Variants in PDSS2 observed in about 807,000 individuals in gnomAD.
PDSS2 encodes the protein all trans-polyprenyl-diphosphate synthase PDSS2.
Under a neutral mutation model 44.5 loss-of-function variants are expected in PDSS2, and 31 were observed. That is an observed-to-expected ratio of 0.70 (90% CI 0.52 to 0.94). The LOEUF is 0.94. Ranked by LOEUF, PDSS2 falls within the 40% of genes least tolerant of loss-of-function variation. PDSS2 has a pLI of 0.00. For missense variants in PDSS2, 452 were observed against 482.2 expected (o/e 0.94, Z 0.59); for synonymous variants, 157 against 180.3 (o/e 0.87, Z 1.03).
intron 3 of PDSS2, among the ~76,000 whole-genome samples, chr6:107,252,644 T>G (rs1303625538): frequency 6.6e-6 from 1 of 152,216 alleles, no homozygotes; most frequent in South Asian, 2.1e-4. Context: ...AAATTGCAAC[T>G]GAGGCTAGAT....
At chr6:107,252,798 C>A (rs967668991) in intron 3 of PDSS2, among the ~76,000 whole-genome samples, 1 of 152,050 alleles carries the variant, frequency 6.6e-6, no homozygotes, top group Non-Finnish European at 1.5e-5. Flanking sequence ...TTTTTAAAAT[C>A]GCAACTGATA....
At chr6:107,197,480 C>CAAAAAA (rs1211356401) in intron 6 of PDSS2, among the ~76,000 whole-genome samples, 3 of 82,398 alleles carry the variant, frequency 3.6e-5, no homozygotes, top group Non-Finnish European at 7.3e-5. Context: ...ACCCCCATCT[C>CAAAAAA]AAAAAAAAAA....
At chr6:107,343,281 GATAC>G (rs1778137134) in intron 1 of PDSS2, among the ~76,000 whole-genome samples, 1 of 151,836 alleles carries the variant, frequency 6.6e-6, no homozygotes, top group Non-Finnish European at 1.5e-5. Context: ...TTTTCATTTA[GATAC>G]AGACAACTGA....
At chr6:107,412,767 T>A (rs1413462294) in intron 1 of PDSS2, among the ~76,000 whole-genome samples, 2 of 152,352 alleles carry the variant, frequency 1.3e-5, no homozygotes, top group East Asian at 3.9e-4. Context: ...ATTCTAAGGT[T>A]ATAATTAAAT....
At chr6:107,273,272 C>T (rs1775665800) in intron 3 of PDSS2, among the ~76,000 whole-genome samples, 1 of 152,028 alleles carries the variant, frequency 6.6e-6, no homozygotes. Context: ...GAGTGAGCCA[C>T]CACACCTGGC....
intron 1 of PDSS2, among the ~76,000 whole-genome samples, chr6:107,375,512 T>C (rs1411686249): frequency 1.3e-5 from 2 of 152,202 alleles, no homozygotes; most frequent in South Asian, 2.1e-4. Context: ...AAACACTATC[T>C]ATGAAAGTTC....
At chr6:107,408,478 G>A (rs1276708453) in intron 1 of PDSS2, among the ~76,000 whole-genome samples, 3 of 152,170 alleles carry the variant, frequency 2.0e-5, no homozygotes, top group African/African-American at 7.2e-5. Context: ...GACTGTAACT[G>A]AATCAGCTCA....
chr6:107,202,565 C>A (rs1772822590), intron 6 of PDSS2, among the ~76,000 whole-genome samples: 2 of 152,182 alleles, frequency 1.3e-5, no homozygotes, highest in South Asian at 4.1e-4. Flanking sequence ...AGTTACAGAG[C>A]TGGAAAGATA....
At chr6:107,313,587 A>G (rs913114739) in intron 2 of PDSS2, among the ~76,000 whole-genome samples, 2 of 152,000 alleles carry the variant, frequency 1.3e-5, no homozygotes, top group Non-Finnish European at 2.9e-5. Context: ...TCCTGACCTC[A>G]AGTGATCCAC....
intron 6 of PDSS2, among the ~76,000 whole-genome samples, chr6:107,195,463 C>T (rs2114538295): frequency 8.1e-6 from 1 of 122,796 alleles, no homozygotes; most frequent in East Asian, 2.5e-4. Context: ...ACCTGGGTGA[C>T]AGAGTGAGAT....
At chr6:107,283,228 A>C (rs1490079354) in intron 2 of PDSS2, among the ~76,000 whole-genome samples, 1 of 151,954 alleles carries the variant, frequency 6.6e-6, no homozygotes, top group Non-Finnish European at 1.5e-5. Context: ...TGGGAGGCTG[A>C]GGCAGGAGGG....
intron 4 of PDSS2, among the ~76,000 whole-genome samples, chr6:107,218,932 C>A (rs985493758): frequency 6.6e-6 from 1 of 151,904 alleles, no homozygotes; most frequent in Non-Finnish European, 1.5e-5. Flanking sequence ...GTGGTGGGTG[C>A]CTGTAATCCC....
Position 107,210,421 on chromosome 6 carries a change from G to T in PDSS2, c.1008+18C>A. ...CTAATTACTACTGGTACCTAAAACA[G>T]GAGTAATTTCATTTTACCTCTCCGA... On this transcript the variant is annotated intron_variant, in intron 6 of 7. Transcript: ENST00000369037. 6.3e-7 allele frequency: 1 copy of T among 1,583,916 alleles called. No homozygotes were observed. Among genetic ancestry groups the T allele is most frequent in the Non-Finnish European group, 8.7e-7 (1 of 1,154,120 alleles).
intron 2 of PDSS2, among the ~76,000 whole-genome samples, chr6:107,333,648 G>A (rs559619590): frequency 8.9e-4 from 136 of 152,216 alleles, no homozygotes; most frequent in African/African-American, 3.3e-3. Context: ...CAATCCTCCT[G>A]CTTTAGTCTC....
chr6:107,304,852 T>A (rs1776806601), intron 2 of PDSS2, among the ~76,000 whole-genome samples: 1 of 151,698 alleles, frequency 6.6e-6, no homozygotes, highest in Non-Finnish European at 1.5e-5. Context: ...GAGTCATCCA[T>A]TATACGACCA....
At chr6:107,378,435 T>C (rs182861482) in intron 1 of PDSS2, among the ~76,000 whole-genome samples, 1 of 152,282 alleles carries the variant, frequency 6.6e-6, no homozygotes, top group Admixed American at 6.5e-5. Context: ...CTAATGTATT[T>C]CTATATGCTA....
intron 6 of PDSS2, among the ~76,000 whole-genome samples, chr6:107,203,970 G>A (rs563217466): frequency 3.7e-4 from 55 of 150,062 alleles, no homozygotes; most frequent in Admixed American, 1.6e-3. Flanking sequence ...TTGAGACAGA[G>A]TCTCACTCTG....
chr6:107,212,796 A>T (rs1773265357), intron 4 of PDSS2, among the ~76,000 whole-genome samples: 1 of 150,204 alleles, frequency 6.7e-6, no homozygotes, highest in Non-Finnish European at 1.5e-5. Flanking sequence ...GCTTGAGGCC[A>T]GGAGTTCGAG....
intron 3 of PDSS2, among the ~76,000 whole-genome samples, chr6:107,267,295 G>A (rs1166212519): frequency 6.6e-6 from 1 of 152,180 alleles, no homozygotes; most frequent in Admixed American, 6.5e-5. Flanking sequence ...AGCTGGTCAT[G>A]TGCAGCTCAA....
Sources: gnomAD v4.1 joint callset for allele counts (sites outside exome capture counted in the v4.1 genomes callset) on GRCh38, gnomAD v4.1.1 for gene constraint, MANE v1.5 for transcripts, NCBI Gene and HGNC (gene_info 2026-07-23, HGNC 2026-07-21) for gene names.